The following SLC1A4 variants were observed in gnomAD, a reference collection of about 807,000 sequenced individuals.
SLC1A4 encodes neutral amino acid transporter A.
A neutral mutation model predicts 37.7 loss-of-function variants in SLC1A4; 19 were observed. That is an observed-to-expected ratio of 0.50 (90% CI 0.35 to 0.74). The LOEUF is 0.74. SLC1A4 is among the 30% of genes least tolerant of loss of function. The pLI is 0.01. For synonymous variants in SLC1A4, 299 were observed against 309.8 expected, an observed-to-expected ratio of 0.97 and a Z score of 0.37; for missense variants, 570 against 712.9, an observed-to-expected ratio of 0.80 and a Z score of 2.28.
At chr2:64,990,535 C>T (rs1048090451) in intron 1 of SLC1A4, among the ~76,000 whole-genome samples, 3 of 152,194 alleles carry the variant, frequency 2.0e-5, no homozygotes, top group African/African-American at 7.2e-5. Context: ...CCAGTGGCTT[C>T]GCCTCATTTT....
At chr2:65,001,126 T>G (rs1572950402) in intron 1 of SLC1A4, 1 of 249,840 alleles carries the variant, frequency 4.0e-6, no homozygotes. Context: ...GCAGGCACAG[T>G]TAGGGTGCTT....
intron 3 of SLC1A4, among the ~76,000 whole-genome samples, chr2:65,007,665 T>C (rs901970464): frequency 6.6e-6 from 1 of 152,202 alleles, no homozygotes. Flanking sequence ...TAAAACCAGC[T>C]CTCTTAATTG....
intron 3 of SLC1A4, 78 bp from the exon 4 acceptor site, chr2:65,010,518 TG>T: frequency 8.3e-7 from 1 of 1,211,354 alleles, no homozygotes; most frequent in Non-Finnish European, 1.1e-6. Flanking sequence ...TGTTTCAGTC[TG>T]GTGGGGACAC....
chr2:64,999,068 T>C (rs1308169855), intron 1 of SLC1A4, among the ~76,000 whole-genome samples: 3 of 152,152 alleles, frequency 2.0e-5, no homozygotes, highest in Non-Finnish European at 4.4e-5. Flanking sequence ...CCAAAGGTAG[T>C]CCCCAAGACT....
In SLC1A4 at chr2:64,989,674, CT is replaced by C; in HGVS notation, c.33del (p.Asp12ThrfsTer56). 1 of 1,541,524 alleles carries C rather than the reference CT, an allele frequency of 6.5e-7. No individual in the cohort carries two copies. Among genetic ancestry groups the C allele is most frequent in the South Asian group, 1.2e-5 (1 of 83,366 alleles). MEKSNETNGY[L>X]DSAQAGPAAG... ...GAAGAGCAACGAGACCAACGGCTAC[CT>C]TGACAGCGCTCAGGCGGGGCCTGCG... On this transcript the variant is annotated frameshift_variant, in exon 1 of 8. Coordinates refer to ENST00000234256, the MANE Select transcript of SLC1A4 (RefSeq NM_003038.5). LOFTEE classifies it high-confidence loss of function.
rs912949025 is a variant in SLC1A4 at position 65,021,346 on chromosome 2, C to T, written c.*200C>T. ...GAACTGGTTACCAAGGACAAGGACA[C>T]TCTGACATTCGGCTTGATCCATGTC... On this transcript the variant is annotated 3_prime_UTR_variant, in exon 8 of 8. Coordinates refer to ENST00000234256, the MANE Select transcript of SLC1A4 (RefSeq NM_003038.5). 1 of 585,666 alleles carries T rather than the reference C, an allele frequency of 1.7e-6. No homozygotes were observed. The highest frequency in any genetic ancestry group is 2.8e-5 in the East Asian group (1 of 35,484). The allele number at this position is 585,666 out of a possible 1,614,324, so 36.3% of individuals were successfully genotyped here. A position where few individuals can be genotyped will look rare whatever the true frequency, so the allele number is the denominator to read the frequency against.
intron 4 of SLC1A4, among the ~76,000 whole-genome samples, chr2:65,015,414 AAG>A (rs548094639): frequency 1.1e-4 from 16 of 152,206 alleles, no homozygotes; most frequent in African/African-American, 3.6e-4. Context: ...TAGGGTGAAA[AAG>A]AAAAAAACAC....
Position 65,002,280 on chromosome 2 carries a change from A to AAAATAAATAAATAAATACAT in SLC1A4, c.570+807_570+808insCATAAATAAATAAATAAATA, listed in dbSNP as rs1553372532. ...GGGCAGCAGAGTGAGACTCTATCTC[A>AAAATAAATAAATAAATACAT]AAATAAATAAATAAATAAATAAATA... On this transcript the variant is annotated intron_variant, in intron 2 of 7. Coordinates refer to ENST00000234256, the MANE Select transcript of SLC1A4 (RefSeq NM_003038.5). 2.8e-5 allele frequency among the ~76,000 whole-genome samples: 4 copies of AAAATAAATAAATAAATACAT among 144,376 alleles called. No individual in the cohort carries two copies. In the South Asian group the frequency reaches 8.7e-4, roughly 31 times the overall value. 94.7% of individuals were successfully genotyped at this position (144,376 alleles called of 152,430 possible).
At chr2:65,008,935 T>C (rs1260454974) in intron 3 of SLC1A4, among the ~76,000 whole-genome samples, 1 of 152,184 alleles carries the variant, frequency 6.6e-6, no homozygotes, top group African/African-American at 2.4e-5. Context: ...CTCCCACAAC[T>C]AGGAAGTAGT....
Position 65,023,577 on chromosome 2 carries a change from A to G in SLC1A4, c.*2431A>G. ...CAGTAAGAAGCGTGTCTGGGTCTGG[A>G]GAAGGGTGCTTCCGAGAGTGTGCAG... On this transcript the variant is annotated 3_prime_UTR_variant, in exon 8 of 8. Transcript: ENST00000234256. 1 of 152,688 alleles carries G rather than the reference A, an allele frequency of 6.5e-6. No individual in the cohort carries two copies. The highest frequency in any genetic ancestry group is 1.9e-4 in the East Asian group (1 of 5,194). The allele number at this position is 152,688 out of a possible 1,614,324, so 9.5% of individuals were successfully genotyped here.
At chr2:65,005,132 C>T (rs974053507) in intron 3 of SLC1A4, among the ~76,000 whole-genome samples, 1 of 152,160 alleles carries the variant, frequency 6.6e-6, no homozygotes, top group African/African-American at 2.4e-5. Context: ...TGGAGTTAAT[C>T]CTAGCTCAGT....
At chr2:65,004,267 G>T (rs1326096133) in intron 3 of SLC1A4, among the ~76,000 whole-genome samples, 1 of 151,966 alleles carries the variant, frequency 6.6e-6, no homozygotes, top group Non-Finnish European at 1.5e-5. Flanking sequence ...TTGTTTGTTT[G>T]TTTGAAACAG....
chr2:65,021,267 C>CAGCGACTGGGCCAAAG lies in SLC1A4; in HGVS notation c.*121_*122insAGCGACTGGGCCAAAG. 1 of 767,348 alleles carries CAGCGACTGGGCCAAAG rather than the reference C, an allele frequency of 1.3e-6. No individual in the cohort carries two copies. Among genetic ancestry groups the CAGCGACTGGGCCAAAG allele is most frequent in the Non-Finnish European group, 2.1e-6 (1 of 475,104 alleles). 47.5% of individuals were successfully genotyped at this position (767,348 alleles called of 1,614,324 possible). A position where few individuals can be genotyped will look rare whatever the true frequency, so the allele number is the denominator to read the frequency against. On this transcript the variant is annotated 3_prime_UTR_variant, in exon 8 of 8. Coordinates refer to ENST00000234256, the MANE Select transcript of SLC1A4 (RefSeq NM_003038.5). ...TTACCCTCCCAAGCAATGCTTTGGCCCAGTCGCTGGCCTGAGGCTTACCTC... is the reference window on the plus strand; with the variant it reads ...TTACCCTCCCAAGCAATGCTTTGGCCAGCGACTGGGCCAAAGCAGTCGCTGGCCTGAGGCTTACCTC...
chr2:65,001,964 G>A (rs925945056), intron 2 of SLC1A4, among the ~76,000 whole-genome samples: 38 of 152,054 alleles, frequency 2.5e-4, no homozygotes, highest in African/African-American at 8.7e-4. Context: ...TTTTCTATGC[G>A]TGTATACACA....
chr2:65,013,987 C>T (rs187397855), intron 4 of SLC1A4, among the ~76,000 whole-genome samples: 46 of 152,144 alleles, frequency 3.0e-4, no homozygotes, highest in Non-Finnish European at 4.6e-4. Context: ...CAAAAACTCA[C>T]GCTGCTAACT....
chr2:65,012,116 G>T (rs1025559989), intron 4 of SLC1A4, among the ~76,000 whole-genome samples: 17 of 150,378 alleles, frequency 1.1e-4, no homozygotes, highest in African/African-American at 4.2e-4. Context: ...TTGAGACAGG[G>T]TCTTGCTCTG....
At chr2:64,997,310 A>G (rs1173407195) in intron 1 of SLC1A4, among the ~76,000 whole-genome samples, 2 of 152,196 alleles carry the variant, frequency 1.3e-5, no homozygotes, top group East Asian at 1.9e-4. Context: ...ACTTTTTTAT[A>G]TAAGTTTTTA....
At chr2:65,015,710 C>T (rs1190812745) in intron 4 of SLC1A4, among the ~76,000 whole-genome samples, 1 of 152,224 alleles carries the variant, frequency 6.6e-6, no homozygotes, top group Non-Finnish European at 1.5e-5. Flanking sequence ...TCACTCTGTT[C>T]ACTCTTTTGT....
chr2:64,989,923 G>A lies in SLC1A4; in HGVS notation c.280G>A (p.Val94Met). The A allele has an allele frequency of 6.4e-7, 1 of 1,563,618 alleles. No homozygotes were observed. Among genetic ancestry groups the A allele is most frequent in the African/African-American group, 1.4e-5 (1 of 74,000 alleles). ...RMLRMIILPL[V>M]VCSLVSGAAS... ...GCTGCGCATGATCATCCTGCCGCTG[G>A]TGGTCTGCAGCCTGGTGTCGGGCGC... The change falls in exon 1 of 8, where the codon GTG becomes ATG. Residue 94 changes from valine (V) to methionine (M), a missense_variant. Transcript: ENST00000234256.
Sources: gnomAD v4.1 joint callset for allele counts (sites outside exome capture counted in the v4.1 genomes callset) on GRCh38, gnomAD v4.1.1 for gene constraint, MANE v1.5 for transcripts, NCBI Gene and HGNC (gene_info 2026-07-23, HGNC 2026-07-21) for gene names.